BCL9: variants seen among roughly 807,000 people sequenced by gnomAD.
BCL9 encodes B-cell CLL/lymphoma 9 protein.
A neutral mutation model predicts 88.5 loss-of-function variants in BCL9; 25 were observed. That is an observed-to-expected ratio of 0.28 (90% CI 0.21 to 0.39). The LOEUF (loss-of-function observed/expected upper bound fraction) is 0.39, where lower values mean the gene tolerates loss of function less well. Ranked by LOEUF, BCL9 falls within the 10% of genes least tolerant of loss-of-function variation. The pLI, the probability that BCL9 is intolerant of heterozygous loss-of-function variation, is 1.00. For missense variants in BCL9, 1,817 were observed against 1,877.8 expected (o/e 0.97, Z 0.60); for synonymous variants, 711 against 673.3 (o/e 1.06, Z -0.87).
intron 6 of BCL9, among the ~76,000 whole-genome samples, chr1:147,615,172 T>C: frequency 6.6e-6 from 1 of 152,144 alleles, no homozygotes; most frequent in Non-Finnish European, 1.5e-5. Context: ...AAGAAGTTGA[T>C]TGCACAATAC....
In BCL9 at chr1:147,624,865, T is replaced by A. The variant is rs782186540; in HGVS notation, c.4187T>A (p.Ile1396Asn). Residue 1396 changes from isoleucine (I) to asparagine (N), a missense_variant, in exon 10 of 10, where the codon ATC becomes AAC. By Grantham distance (149) the Ile-to-Asn change is moderately radical. Transcript: ENST00000234739. The surrounding 1 kb of genome is among the most constrained non-coding windows in gnomAD (Gnocchi z 4.4). ...GMMGPQQNIM[I>N]PPQMRPRGMA... is the part of the protein sequence containing the mutation. Reference sequence around the variant, plus strand: ...ATGGGACCCCAACAGAACATCATGATCCCCCCACAGATGAGGCCCCGGGGC... The same window carrying A: ...ATGGGACCCCAACAGAACATCATGAACCCCCCACAGATGAGGCCCCGGGGC... 6.2e-7 allele frequency: 1 copy of A among 1,613,800 alleles called. No individual in the cohort carries two copies. Among genetic ancestry groups the A allele is most frequent in the Admixed American group, 1.7e-5 (1 of 59,978 alleles).
chr1:147,589,540 C>T (rs1252637580), intron 1 of BCL9, among the ~76,000 whole-genome samples: 3 of 152,172 alleles, frequency 2.0e-5, no homozygotes, highest in South Asian at 2.1e-4. Flanking sequence ...TATAGATTTA[C>T]GTTTTCAGGA....
chr1:147,600,536 G>A (rs868988070), intron 1 of BCL9, among the ~76,000 whole-genome samples: 14 of 151,334 alleles, frequency 9.3e-5, no homozygotes, highest in Admixed American at 2.6e-4. Context: ...CCTGTGGGGG[G>A]AGGTGGGGGT....
chr1:147,566,696 C>T (rs1279413705), intron 1 of BCL9, among the ~76,000 whole-genome samples: 1 of 151,448 alleles, frequency 6.6e-6, no homozygotes, highest in Non-Finnish European at 1.5e-5. Context: ...GCGGAGTTTG[C>T]AGTGAGCCGA....
chr1:147,562,093 C>G (rs138902045), intron 1 of BCL9, among the ~76,000 whole-genome samples: 1,892 of 152,222 alleles, frequency 0.012, 21 homozygotes, highest in East Asian at 0.055. Context: ...CTTTAGGAGG[C>G]CGAGGCGGGC....
intron 1 of BCL9, 100 bp from the exon 2 acceptor site, chr1:147,604,677 C>T (rs1003153601): frequency 1.3e-5 from 2 of 152,134 alleles, no homozygotes; most frequent in African/African-American, 2.4e-5. Flanking sequence ...GTTTCTTCTT[C>T]CAAAGATTGC....
rs587614640 is a variant in BCL9 at position 147,567,246 on chromosome 1, C to T, written c.-478+25572C>T. Among the ~76,000 whole-genome samples the T allele has an allele frequency of 2.0e-5, 3 of 152,100 alleles. No homozygotes were observed. The South Asian group carries it at 6.2e-4, about 32-fold the overall frequency. On this transcript the variant is annotated intron_variant, in intron 1 of 9. Coordinates refer to ENST00000234739, the MANE Select transcript of BCL9 (RefSeq NM_004326.4). Reference sequence around the variant, plus strand: ...TTGGCTTTGGTGATGTTTTCTTGTACGAGTGAATTCGTGGACTGTACAGAA... The same window carrying T: ...TTGGCTTTGGTGATGTTTTCTTGTATGAGTGAATTCGTGGACTGTACAGAA...
chr1:147,602,601 T>C (rs1553201461), intron 1 of BCL9, among the ~76,000 whole-genome samples: 1 of 152,212 alleles, frequency 6.6e-6, no homozygotes, highest in East Asian at 1.9e-4. Context: ...AGATTTGGAA[T>C]TGAACCATTA....
chr1:147,573,312 G>T (rs1203078471), intron 1 of BCL9, among the ~76,000 whole-genome samples: 7 of 152,172 alleles, frequency 4.6e-5, no homozygotes, highest in Admixed American at 4.6e-4. Context: ...AATTACCCTG[G>T]CGTGGTGGCA....
At chr1:147,603,986 T>G (rs1262911787) in intron 1 of BCL9, among the ~76,000 whole-genome samples, 5 of 152,212 alleles carry the variant, frequency 3.3e-5, no homozygotes, top group Non-Finnish European at 7.3e-5. Context: ...TATAACACAT[T>G]AAATAATAAA....
At chr1:147,557,812 C>T (rs782225551) in intron 1 of BCL9, among the ~76,000 whole-genome samples, 11 of 152,090 alleles carry the variant, frequency 7.2e-5, no homozygotes, top group Non-Finnish European at 1.0e-4. Context: ...AGGCTTCTTC[C>T]AATTATTAAT....
At chr1:147,542,236 C>T (rs1030076969) in intron 1 of BCL9, among the ~76,000 whole-genome samples, 1 of 152,228 alleles carries the variant, frequency 6.6e-6, no homozygotes, top group African/African-American at 2.4e-5. Context: ...CTTACCACCC[C>T]AGCCCAGACT....
rs1658471244 is a variant in BCL9 at position 147,619,300 on chromosome 1, G to T, written c.1145G>T (p.Gly382Val). 1.9e-6 allele frequency: 3 copies of T among 1,613,932 alleles called. No individual in the cohort carries two copies. Among genetic ancestry groups the T allele is most frequent in the Admixed American group, 1.7e-5 (1 of 60,000 alleles). ...TTTCCTGATGAGAAAGAATTCACAG[G>T]AGCACAAAGTGGGGGACCGCAGCAG... ...MLFPDEKEFT[G>V]AQSGGPQQNP... Residue 382 changes from glycine to valine, a missense_variant, in exon 8 of 10, where the codon GGA becomes GTA. Gly to Val is a moderately radical substitution (Grantham distance 109, BLOSUM62 -3). This residue lies in a region of BCL9 where 1,228 missense variants were observed against 1,191.6 expected (regional missense o/e 1.03). Coordinates refer to ENST00000234739, the MANE Select transcript of BCL9 (RefSeq NM_004326.4). The surrounding 1 kb of genome is among the most constrained non-coding windows in gnomAD (Gnocchi z 4.1).
intron 1 of BCL9, among the ~76,000 whole-genome samples, chr1:147,552,267 C>T (rs1241718815): frequency 6.6e-6 from 1 of 152,100 alleles, no homozygotes; most frequent in Non-Finnish European, 1.5e-5. Context: ...TTTCTTCACA[C>T]CAGTGGTTTT....
chr1:147,556,109 TTTATTTAC>T (rs1427011978), intron 1 of BCL9, among the ~76,000 whole-genome samples: 2 of 152,066 alleles, frequency 1.3e-5, no homozygotes, highest in African/African-American at 2.4e-5. Flanking sequence ...CAATTATTTA[TTTATTTAC>T]TTATTTACTT....
At chr1:147,596,039 G>A (rs1657033029) in intron 1 of BCL9, among the ~76,000 whole-genome samples, 1 of 152,200 alleles carries the variant, frequency 6.6e-6, no homozygotes, top group Admixed American at 6.5e-5. Flanking sequence ...TATGGGATCT[G>A]AGTGTCACTT....
In BCL9 at chr1:147,619,258, A is replaced by G. The variant is rs1553204456; in HGVS notation, c.1103A>G (p.Asp368Gly). The G allele has an allele frequency of 1.2e-6, 2 of 1,614,154 alleles. No homozygotes were observed. Among genetic ancestry groups the G allele is most frequent in the Non-Finnish European group, 1.7e-6 (2 of 1,180,038 alleles). The change falls in exon 8 of 10, where the codon GAT (aspartate) becomes GGT (glycine). Residue 368 changes from aspartate (D) to glycine (G), a missense_variant. Transcript: ENST00000234739. The surrounding 1 kb of genome is among the most constrained non-coding windows in gnomAD (Gnocchi z 4.1). ...GAGCGCTCCTTACAAACTCTCAGAG[A>G]TATCCAGCGCATGCTTTTTCCTGAT... Reference protein sequence around the residue: ...HRERSLQTLRDIQRMLFPDEK... With the variant: ...HRERSLQTLRGIQRMLFPDEK...
At chr1:147,579,807 T>C (rs1285010302) in intron 1 of BCL9, among the ~76,000 whole-genome samples, 1 of 152,160 alleles carries the variant, frequency 6.6e-6, no homozygotes, top group Non-Finnish European at 1.5e-5. Flanking sequence ...GAATGCTAAG[T>C]CTGGCAAATA....
chr1:147,565,566 T>C (rs1655561477), intron 1 of BCL9, among the ~76,000 whole-genome samples: 1 of 152,146 alleles, frequency 6.6e-6, no homozygotes, highest in Admixed American at 6.5e-5. Context: ...CTCTGTTAAA[T>C]TACAAGTGTC....
Sources: allele counts gnomAD v4.1 joint callset (sites outside exome capture counted in the v4.1 genomes callset), GRCh38; gene constraint gnomAD v4.1.1; regional missense constraint gnomAD v4.1.1; non-coding constraint Gnocchi (gnomAD v3.1); transcripts MANE v1.5; gene names NCBI Gene and HGNC (gene_info 2026-07-23, HGNC 2026-07-21).